Variants in FBN1 observed in about 807,000 individuals in gnomAD.
FBN1 encodes fibrillin 1.
Under a neutral mutation model 365.1 loss-of-function variants are expected in FBN1, and 29 were observed. That is an observed-to-expected ratio of 0.08 (90% CI 0.06 to 0.11). FBN1 has a LOEUF of 0.11. Ranked by LOEUF, FBN1 falls within the 10% of genes least tolerant of loss-of-function variation. FBN1 has a pLI of 1.00. For missense variants in FBN1, 2,476 were observed against 3,703.2 expected, an observed-to-expected ratio of 0.67 and a Z score of 8.60; for synonymous variants, 1,210 against 1,270.5, an observed-to-expected ratio of 0.95 and a Z score of 1.01.
intron 7 of FBN1, among the ~76,000 whole-genome samples, chr15:48,534,958 G>A (rs74011853): frequency 0.012 from 1,899 of 152,266 alleles, 39 homozygotes; most frequent in African/African-American, 0.044. Context: ...GTCCTGGGGA[G>A]TTCGACATGA....
At chr15:48,467,064 T>A (rs2043329460) in intron 38 of FBN1, among the ~76,000 whole-genome samples, 1 of 152,206 alleles carries the variant, frequency 6.6e-6, no homozygotes, top group Admixed American at 6.5e-5. Flanking sequence ...TGCCCAAGGT[T>A]ACATGGGTGA....
At chr15:48,467,627 G>A (rs1368884378) in intron 38 of FBN1, among the ~76,000 whole-genome samples, 2 of 152,182 alleles carry the variant, frequency 1.3e-5, no homozygotes, top group Non-Finnish European at 2.9e-5. Context: ...ATGAGAAGAG[G>A]AGAGATAATC....
At chr15:48,643,100 T>C (rs1161506987) in intron 2 of FBN1, 1 of 152,202 alleles carries the variant, frequency 6.6e-6, no homozygotes, top group Admixed American at 6.5e-5. Flanking sequence ...ACAGGAGCAA[T>C]CCTATCAGAA....
intron 4 of FBN1, among the ~76,000 whole-genome samples, chr15:48,603,806 AT>A (rs1445307373): frequency 6.6e-6 from 1 of 152,198 alleles, no homozygotes; most frequent in Non-Finnish European, 1.5e-5. Context: ...AGATCCAGCC[AT>A]ATGCAGTGAA....
chr15:48,639,442 C>G (rs1230285063), intron 2 of FBN1, among the ~76,000 whole-genome samples: 1 of 152,114 alleles, frequency 6.6e-6, no homozygotes, highest in African/African-American at 2.4e-5. Context: ...ATACCAGACC[C>G]CCTTTCCAGG....
intron 63 of FBN1, among the ~76,000 whole-genome samples, chr15:48,415,998 G>A (rs1597510015): frequency 6.6e-6 from 1 of 152,266 alleles, no homozygotes; most frequent in South Asian, 2.1e-4. Flanking sequence ...GGAAGATGAA[G>A]TCAAATGCAC....
intron 36 of FBN1, 90 bp from the exon 37 acceptor site, chr15:48,468,624 A>C: frequency 2.1e-6 from 3 of 1,421,408 alleles, no homozygotes; most frequent in South Asian, 1.2e-5. Context: ...CTAGAGCTCC[A>C]AACAAGAATT....
At position 48,449,112 on chromosome 15, in the gene FBN1, G is replaced by C. The variant is rs577098201; in HGVS notation, c.5546-219C>G. On this transcript the variant is annotated intron_variant, in intron 45 of 65. Transcript: ENST00000316623. ...TTGACACAATAAAAAATAAGGGTAA[G>C]TAATCAAAAAATATTCTGAAAGATG... Among the ~76,000 whole-genome samples the C allele has an allele frequency of 3.9e-5, 6 of 152,260 alleles. No individual in the cohort carries two copies. In the East Asian group the frequency reaches 5.8e-4, roughly 15 times the overall value.
intron 8 of FBN1, chr15:48,529,823 T>G (rs927314521): frequency 6.5e-6 from 1 of 154,790 alleles, no homozygotes; most frequent in African/African-American, 2.4e-5. Flanking sequence ...TATAGTCACA[T>G]CACGTACGCC....
intron 16 of FBN1, among the ~76,000 whole-genome samples, chr15:48,504,462 G>C (rs2043692053): frequency 6.6e-6 from 1 of 152,176 alleles, no homozygotes; most frequent in African/African-American, 2.4e-5. Context: ...ACTAAGCTGT[G>C]TTATCTTTAC....
intron 2 of FBN1, among the ~76,000 whole-genome samples, chr15:48,637,077 T>C (rs929867193): frequency 2.0e-5 from 3 of 152,184 alleles, no homozygotes; most frequent in Non-Finnish European, 4.4e-5. Flanking sequence ...CCTCCTCGCC[T>C]TTGTCTTTCA....
chr15:48,613,258 T>C (rs2044671140), intron 2 of FBN1, among the ~76,000 whole-genome samples, 166 bp from the exon 3 acceptor site: 1 of 152,212 alleles, frequency 6.6e-6, no homozygotes, highest in African/African-American at 2.4e-5. Context: ...CTTGGGACAC[T>C]AACATAGTGA....
chr15:48,565,070 T>TG (rs1566928116), intron 6 of FBN1, among the ~76,000 whole-genome samples: 1 of 152,150 alleles, frequency 6.6e-6, no homozygotes. Flanking sequence ...AATAATTCAT[T>TG]GGGGGATATC....
intron 65 of FBN1, among the ~76,000 whole-genome samples, chr15:48,411,727 G>T (rs1029551678): frequency 6.6e-6 from 1 of 152,238 alleles, no homozygotes; most frequent in African/African-American, 2.4e-5. Context: ...ACCCTGGGAT[G>T]TCTCCCAACA....
At chr15:48,643,688 T>C (rs1890238630) in intron 2 of FBN1, 1 of 152,150 alleles carries the variant, frequency 6.6e-6, no homozygotes, top group Admixed American at 6.5e-5. Flanking sequence ...AATCTCCCTA[T>C]ATATACTGTC....
intron 2 of FBN1, among the ~76,000 whole-genome samples, chr15:48,614,740 C>T (rs759300746): frequency 5.3e-5 from 8 of 152,042 alleles, no homozygotes; most frequent in African/African-American, 7.2e-5. Flanking sequence ...TTTCTGTGTA[C>T]AATGGCACAA....
chr15:48,570,515 C>G (rs775478053), intron 6 of FBN1, among the ~76,000 whole-genome samples: 27 of 151,356 alleles, frequency 1.8e-4, no homozygotes, highest in Admixed American at 7.2e-4. Context: ...CACGTAACTT[C>G]AGAACCTTAG....
intron 2 of FBN1, among the ~76,000 whole-genome samples, chr15:48,614,093 A>G (rs1197799353): frequency 2.0e-5 from 3 of 152,224 alleles, no homozygotes; most frequent in African/African-American, 7.2e-5. Flanking sequence ...GGAGCAACTA[A>G]GTAAGGATCC....
chr15:48,592,221 CTT>C (rs1056985032), intron 6 of FBN1, among the ~76,000 whole-genome samples: 1 of 152,138 alleles, frequency 6.6e-6, no homozygotes, highest in Non-Finnish European at 1.5e-5. Context: ...TGCTGTATCT[CTT>C]TGTTTCTCTT....
Sources: allele counts gnomAD v4.1 joint callset (sites outside exome capture counted in the v4.1 genomes callset), GRCh38; gene constraint gnomAD v4.1.1; transcripts MANE v1.5; gene names NCBI Gene and HGNC (gene_info 2026-07-23, HGNC 2026-07-21).